The following ROBO2 variants were observed in gnomAD, a reference collection of about 807,000 sequenced individuals.
ROBO2 encodes roundabout homolog 2.
ROBO2 carries 53 observed loss-of-function variants against 160.8 expected under a neutral mutation model. The ratio of observed to expected loss-of-function variants is 0.33; its 90% CI spans 0.26 to 0.41. The LOEUF (loss-of-function observed/expected upper bound fraction) is 0.41, where lower values mean the gene tolerates loss of function less well. Ranked by LOEUF, ROBO2 falls within the 10% of genes least tolerant of loss-of-function variation. The probability of loss-of-function intolerance (pLI) is 1.00; values close to 1 mark genes in which losing one functional copy is unlikely to be tolerated. For missense variants in ROBO2, 1,577 were observed against 1,722.4 expected (o/e 0.92, Z 1.49); for synonymous variants, 664 against 611.7 (o/e 1.09, Z -1.26).
intron 2 of ROBO2, among the ~76,000 whole-genome samples, chr3:76,193,367 T>C (rs1476527071): frequency 6.6e-6 from 1 of 152,176 alleles, no homozygotes; most frequent in Non-Finnish European, 1.5e-5. Context: ...TCTAAGCCTG[T>C]CCTGTTACTT....
chr3:77,177,488 A>G (rs961764896), intron 2 of ROBO2, among the ~76,000 whole-genome samples: 1 of 151,974 alleles, frequency 6.6e-6, no homozygotes, highest in Admixed American at 6.6e-5. Context: ...ATCCTCCTTC[A>G]TACTTTAAAT....
In ROBO2 at chr3:77,490,865, T is replaced by C. The variant is rs1455216604; in HGVS notation, c.668-2379T>C. Among the ~76,000 whole-genome samples the C allele has an allele frequency of 3.3e-5, 5 of 152,344 alleles. No homozygotes were observed. In the South Asian group the frequency reaches 6.2e-4, roughly 19 times the overall value. Reference sequence around the variant, plus strand: ...CCCCTTTTCGACATCCTATGAACCATTGTGTCAGTTTAAGCTGAAATAATT... The same window carrying C: ...CCCCTTTTCGACATCCTATGAACCACTGTGTCAGTTTAAGCTGAAATAATT... On this transcript the variant is annotated intron_variant, in intron 4 of 25. Transcript: ENST00000461745.
chr3:76,383,459 G>T (rs1035950194), intron 2 of ROBO2, among the ~76,000 whole-genome samples: 1 of 152,148 alleles, frequency 6.6e-6, no homozygotes, highest in Non-Finnish European at 1.5e-5. Context: ...TAAGAACCCT[G>T]AGTTTGCAGT....
chr3:76,212,856 C>CTCTCTT (rs1228052771), intron 2 of ROBO2, among the ~76,000 whole-genome samples: 2 of 151,250 alleles, frequency 1.3e-5, no homozygotes, highest in Non-Finnish European at 2.9e-5. Context: ...CTCTCTCTCT[C>CTCTCTT]TCTCTCTCAG....
At chr3:77,603,192 G>T (rs1432483596) in intron 20 of ROBO2, 2 of 400,436 alleles carry the variant, frequency 5.0e-6, no homozygotes, top group Non-Finnish European at 1.0e-5. Context: ...AACAGTTTAT[G>T]CTAATGAAAT....
chr3:76,178,804 G>C (rs1454724840), intron 2 of ROBO2, among the ~76,000 whole-genome samples: 1 of 152,072 alleles, frequency 6.6e-6, no homozygotes, highest in Non-Finnish European at 1.5e-5. Context: ...AGCTGGGCAT[G>C]GTGGTGCATG....
intron 2 of ROBO2, among the ~76,000 whole-genome samples, chr3:76,199,496 C>T (rs1702418582): frequency 6.6e-6 from 1 of 152,090 alleles, no homozygotes; most frequent in South Asian, 2.1e-4. Flanking sequence ...AACCTCTGAC[C>T]TACAGAGCTG....
At chr3:77,625,973 G>C (rs543502119) in intron 23 of ROBO2, among the ~76,000 whole-genome samples, 9 of 152,152 alleles carry the variant, frequency 5.9e-5, no homozygotes, top group African/African-American at 1.7e-4. Flanking sequence ...GGGTTTTAAA[G>C]CCTTTGTCCA....
At chr3:77,389,005 C>A (rs2074423535) in intron 2 of ROBO2, among the ~76,000 whole-genome samples, 1 of 152,208 alleles carries the variant, frequency 6.6e-6, no homozygotes, top group African/African-American at 2.4e-5. Flanking sequence ...AGTGCAATAG[C>A]ACAATCTTGG....
At chr3:76,608,511 A>G (rs2087831294) in intron 2 of ROBO2, among the ~76,000 whole-genome samples, 1 of 152,138 alleles carries the variant, frequency 6.6e-6, no homozygotes, top group Admixed American at 6.5e-5. Flanking sequence ...GTGGTTCTCA[A>G]CTAGGATGGT....
At chr3:76,692,214 T>C (rs1477122770) in intron 2 of ROBO2, among the ~76,000 whole-genome samples, 1 of 152,126 alleles carries the variant, frequency 6.6e-6, no homozygotes, top group Non-Finnish European at 1.5e-5. Flanking sequence ...GTGCTTGAGG[T>C]CACTCAGAAT....
chr3:77,269,855 T>G (rs1254995248), intron 2 of ROBO2, among the ~76,000 whole-genome samples: 2 of 152,196 alleles, frequency 1.3e-5, no homozygotes, highest in African/African-American at 2.4e-5. Flanking sequence ...ATTTTCTCTC[T>G]AATTATAATT....
At chr3:76,362,884 T>TA (rs1485059014) in intron 2 of ROBO2, among the ~76,000 whole-genome samples, 1 of 152,100 alleles carries the variant, frequency 6.6e-6, no homozygotes, top group African/African-American at 2.4e-5. Context: ...CAGAAACTGT[T>TA]ACGCCAGTCA....
chr3:77,555,270 A>G (rs201364294), intron 8 of ROBO2, among the ~76,000 whole-genome samples: 1 of 151,968 alleles, frequency 6.6e-6, no homozygotes, highest in East Asian at 1.9e-4. Flanking sequence ...GGCCTTCCTT[A>G]TTGCAATATT....
intron 2 of ROBO2, among the ~76,000 whole-genome samples, chr3:76,704,603 C>T (rs2093119831): frequency 6.6e-6 from 1 of 152,116 alleles, no homozygotes; most frequent in South Asian, 2.1e-4. Context: ...ATTATGCCTT[C>T]CTTTACTTCC....
chr3:77,367,137 ATGT>A (rs1391479499), intron 2 of ROBO2, among the ~76,000 whole-genome samples: 3 of 152,130 alleles, frequency 2.0e-5, no homozygotes, highest in Admixed American at 6.6e-5. Context: ...GCTACTGTTG[ATGT>A]TGTACACATA....
intron 2 of ROBO2, among the ~76,000 whole-genome samples, chr3:76,831,432 A>C (rs1048688673): frequency 4.6e-5 from 7 of 152,206 alleles, no homozygotes; most frequent in Non-Finnish European, 7.3e-5. Flanking sequence ...AATCTGCTAG[A>C]CTATCTAAAT....
chr3:77,577,498 G>A, exon 15 of ROBO2: 2 of 1,613,260 alleles, frequency 1.2e-6, no homozygotes, highest in South Asian at 1.1e-5. Context: ...AGCCCCAAGT[G>A]CCCCACCACA....
rs1395354458 is a variant in ROBO2, at chr3:77,414,811, T to C, written c.389-62603T>C. Among the ~76,000 whole-genome samples the C allele has an allele frequency of 2.0e-5, 3 of 152,260 alleles. No homozygotes were observed. In the East Asian group the frequency reaches 5.8e-4, roughly 29 times the overall value. The stretch of plus-strand genomic sequence containing the variant: ...TGTTTGGTAAAGAAACAATGAATTA[T>C]GCTGAAAGAGAACAGATTTCCAGAC... On this transcript the variant is annotated intron_variant, in intron 2 of 25. Transcript: ENST00000461745.
Sources: gnomAD v4.1 joint callset for allele counts (sites outside exome capture counted in the v4.1 genomes callset) on GRCh38, gnomAD v4.1.1 for gene constraint, MANE v1.5 for transcripts, NCBI Gene and HGNC (gene_info 2026-07-23, HGNC 2026-07-21) for gene names.